Variants in AVEN observed in about 807,000 individuals in gnomAD.
The protein encoded by AVEN is cell death regulator Aven.
Under a neutral mutation model 38.1 loss-of-function variants are expected in AVEN, and 41 were observed. That is an observed-to-expected ratio of 1.08 (90% CI 0.84 to 1.40). The LOEUF (loss-of-function observed/expected upper bound fraction) is 1.40. Among genes scored for constraint, AVEN ranks in the 40% most tolerant of loss-of-function variants. The pLI, the probability that AVEN is intolerant of heterozygous loss-of-function variation, is 0.00. For missense variants in AVEN, 605 were observed against 438.8 expected (o/e 1.38, Z -3.38); for synonymous variants, 206 against 171.8 (o/e 1.20, Z -1.56).
At chr15:33,994,859 T>C (rs12913747) in intron 2 of AVEN, among the ~76,000 whole-genome samples, 22,502 of 152,156 alleles carry the variant, frequency 0.15, 2,088 homozygotes, top group Middle Eastern at 0.27. Context: ...CATTTGAGAA[T>C]TGGACCAGAG....
intron 1 of AVEN, among the ~76,000 whole-genome samples, chr15:34,029,890 T>C (rs1171917300): frequency 6.6e-6 from 1 of 152,182 alleles, no homozygotes; most frequent in African/African-American, 2.4e-5. Flanking sequence ...AAAAATGATG[T>C]TGAAACATTC....
At chr15:33,870,894 G>T in intron 4 of AVEN, 41 bp downstream of exon 4, 1 of 1,480,042 alleles carries the variant, frequency 6.8e-7, no homozygotes, top group South Asian at 1.2e-5. Flanking sequence ...TTCTCCTCCT[G>T]CCCTAATCCA....
chr15:34,030,563 T>C (rs1898737886), intron 1 of AVEN, among the ~76,000 whole-genome samples: 1 of 151,968 alleles, frequency 6.6e-6, no homozygotes, highest in Non-Finnish European at 1.5e-5. Flanking sequence ...AGGCTGACCT[T>C]GTGATCCACC....
intron 2 of AVEN, among the ~76,000 whole-genome samples, chr15:33,983,367 C>T (rs16954025): frequency 0.093 from 14,148 of 151,646 alleles, 827 homozygotes; most frequent in South Asian, 0.25. Flanking sequence ...CAAACGTACC[C>T]TCATTAACCC....
intron 2 of AVEN, among the ~76,000 whole-genome samples, chr15:34,069,160 G>T (rs1421285275): frequency 3.3e-5 from 5 of 151,572 alleles, no homozygotes; most frequent in Non-Finnish European, 7.4e-5. Flanking sequence ...GGTGGCTCAT[G>T]CCTGTAATCC....
At chr15:34,018,383 A>T (rs1253876961) in intron 1 of AVEN, 1 of 152,008 alleles carries the variant, frequency 6.6e-6, no homozygotes, top group Non-Finnish European at 1.5e-5. Context: ...TTGTTCCTTC[A>T]GATGTTCAGA....
Position 33,926,418 on chromosome 15 carries a change from C to A in AVEN, c.446-50423G>T, listed in dbSNP as rs561194159. ...TAGGATTTGAGAGGCAGTGCAGGGG[C>A]GGTCAGGAAGTGAACCGTGGAGTCT... On this transcript the variant is annotated intron_variant, in intron 2 of 5. Coordinates refer to ENST00000306730, the MANE Select transcript of AVEN (RefSeq NM_020371.3). Among the ~76,000 whole-genome samples, 10 of 152,202 alleles carry A rather than the reference C, an allele frequency of 6.6e-5. No homozygotes were observed. In the South Asian group the frequency reaches 2.1e-3, roughly 32 times the overall value.
rs372993529 is a variant in AVEN, at chr15:34,064,349, C to G, written n.1127-917G>C. 2.5e-6 allele frequency: 4 copies of G among 1,578,080 alleles called. No individual in the cohort carries two copies. The African/African-American group carries it at 5.4e-5, about 21-fold the overall frequency. On this transcript the variant is annotated intron_variant and non_coding_transcript_variant, in intron 4 of 11. Coordinates refer to the AVEN transcript ENST00000675287. ...ACAACTCCTCTCGAAAGAACAATGA[C>G]CACAGTCAACATCCTCTGAGGATGA...
chr15:33,894,210 A>G (rs1892111753), intron 2 of AVEN, among the ~76,000 whole-genome samples: 1 of 152,056 alleles, frequency 6.6e-6, no homozygotes, highest in Non-Finnish European at 1.5e-5. Context: ...TCGGACTCCT[A>G]AAGTTCTGGG....
rs564440170 is a variant in AVEN, at chr15:34,010,220, C to A, written c.268-7011G>T. On this transcript the variant is annotated intron_variant, in intron 1 of 5. Coordinates refer to ENST00000306730, the MANE Select transcript of AVEN (RefSeq NM_020371.3). ...TCCTATTTAACTTACAATAAATAAA[C>A]AATAATTTACATTAATTTATAATCT... 5.9e-5 allele frequency among the ~76,000 whole-genome samples: 9 copies of A among 152,224 alleles called. No individual in the cohort carries two copies. The South Asian group carries it at 6.2e-4, about 11-fold the overall frequency.
chr15:33,854,457 C>T, downstream of AVEN: 1 of 1,558,112 alleles, frequency 6.4e-7, no homozygotes, highest in Non-Finnish European at 8.7e-7. Context: ...AACGTAAGTA[C>T]TGCACCTGGA....
intron 2 of AVEN, among the ~76,000 whole-genome samples, chr15:33,888,165 T>G (rs1281444223): frequency 6.6e-6 from 1 of 152,138 alleles, no homozygotes; most frequent in Non-Finnish European, 1.5e-5. Context: ...TAACAAAAAT[T>G]TGTTAAGAGC....
At chr15:34,012,033 T>TA in intron 1 of AVEN, among the ~76,000 whole-genome samples, 1 of 152,284 alleles carries the variant, frequency 6.6e-6, no homozygotes, top group Non-Finnish European at 1.5e-5. Flanking sequence ...TTATCTGCTT[T>TA]AAAAAATGAG....
chr15:34,001,319 G>A (rs919089554), intron 2 of AVEN, among the ~76,000 whole-genome samples: 42 of 152,152 alleles, frequency 2.8e-4, no homozygotes, highest in African/African-American at 1.0e-3. Context: ...ACCATGCCCA[G>A]CCTGGACTAG....
chr15:34,053,217 T>C (rs2140830238), intron 5 of AVEN, among the ~76,000 whole-genome samples: 1 of 147,906 alleles, frequency 6.8e-6, no homozygotes, highest in South Asian at 2.1e-4. Context: ...GGAGAATTGC[T>C]TGAACCCAGG....
chr15:33,949,310 G>A lies in AVEN; in HGVS notation c.445+53722C>T, dbSNP rs139480473. 4.4e-3 allele frequency among the ~76,000 whole-genome samples: 668 copies of A among 152,270 alleles called. 3 individuals carry two copies. Among genetic ancestry groups the A allele is most frequent in the African/African-American group, 0.016 (646 of 41,562 alleles). ...GCTGGGATTACAGGCGTGAGCCACCGCGCCCAGCCAAATAAGTCTAATGTT... is the reference window on the plus strand; with the variant it reads ...GCTGGGATTACAGGCGTGAGCCACCACGCCCAGCCAAATAAGTCTAATGTT... On this transcript the variant is annotated intron_variant, in intron 2 of 5. Coordinates refer to ENST00000306730, the MANE Select transcript of AVEN (RefSeq NM_020371.3).
chr15:33,853,789 C>T, downstream of AVEN: 1 of 1,429,828 alleles, frequency 7.0e-7, no homozygotes, highest in Non-Finnish European at 9.4e-7. Flanking sequence ...AGGCTGTGGT[C>T]TGGCTTAGGT....
At chr15:33,857,790 C>T, downstream of AVEN, 1 of 1,614,052 alleles carries the variant, frequency 6.2e-7, no homozygotes. Flanking sequence ...TTGGTTCTGA[C>T]TGTCGGTCTC....
At chr15:33,929,715 A>T (rs568506004) in intron 2 of AVEN, among the ~76,000 whole-genome samples, 5 of 152,368 alleles carry the variant, frequency 3.3e-5, no homozygotes, top group Admixed American at 1.3e-4. Flanking sequence ...CTTTCCAAAG[A>T]TAGATCAAAA....
Sources: allele counts gnomAD v4.1 joint callset (sites outside exome capture counted in the v4.1 genomes callset), GRCh38; gene constraint gnomAD v4.1.1; transcripts MANE v1.5; gene names NCBI Gene and HGNC (gene_info 2026-07-23, HGNC 2026-07-21).